The following PHF8 variants were observed in gnomAD, a reference collection of about 807,000 sequenced individuals.
The protein encoded by PHF8 is histone lysine demethylase PHF8.
Under a neutral mutation model 74.4 loss-of-function variants are expected in PHF8, and 9 were observed. The ratio of observed to expected loss-of-function variants is 0.12; its 90% CI spans 0.07 to 0.21. The LOEUF (loss-of-function observed/expected upper bound fraction) is 0.21. Ranked by LOEUF, PHF8 falls within the 10% of genes least tolerant of loss-of-function variation. The pLI, the probability that PHF8 is intolerant of heterozygous loss-of-function variation, is 1.00. For missense variants in PHF8, 478 were observed against 816.6 expected, an observed-to-expected ratio of 0.59 and a Z score of 5.05; for synonymous variants, 311 against 316.6, an observed-to-expected ratio of 0.98 and a Z score of 0.19.
rs1351731529 is a variant in PHF8 at position 53,958,609 on chromosome X, A to G, written c.2539+4235T>C. On this transcript the variant is annotated intron_variant, in intron 19 of 21. Transcript: ENST00000338154. ...ATCCTGGCTAACACGGTGAAACCCC[A>G]TCTCTACTAAAAGTACAAAAAATTA... Among the ~76,000 whole-genome samples, 13 of 104,547 alleles carry G rather than the reference A, an allele frequency of 1.2e-4. No homozygotes were observed. In the Admixed American group the frequency reaches 1.4e-3, roughly 11 times the overall value. The allele number at this position is 104,547 out of a possible 115,157, so 90.8% of individuals were successfully genotyped here.
chrX:53,937,957 G>A lies in PHF8; in HGVS notation c.*1201C>T. 1.8e-6 allele frequency: 2 copies of A among 1,132,150 alleles called. No individual in the cohort carries two copies. Among genetic ancestry groups the A allele is most frequent in the Non-Finnish European group, 2.4e-6 (2 of 842,358 alleles). 93.3% of individuals were successfully genotyped at this position (1,132,150 alleles called of 1,213,427 possible). ...ACGAAGGAAGGACAGGGGAAGGGGA[G>A]GATCGGATGGATGGTCTGCTCCTTC... On this transcript the variant is annotated 3_prime_UTR_variant, in exon 22 of 22. Coordinates refer to ENST00000338154, the MANE Select transcript of PHF8 (RefSeq NM_015107.3).
intron 21 of PHF8, among the ~76,000 whole-genome samples, chrX:53,939,793 T>C: frequency 9.0e-6 from 1 of 110,727 alleles, no homozygotes; most frequent in Non-Finnish European, 1.9e-5. Flanking sequence ...GTTGTCTCTG[T>C]CTCCCCACAT....
intron 20 of PHF8, chrX:53,943,330 G>T: frequency 1.2e-6 from 1 of 854,218 alleles, no homozygotes; most frequent in Non-Finnish European, 1.7e-6. Context: ...TAGAGGATAT[G>T]AGTTTGAGTT....
chrX:54,014,687 T>A (rs2066033801), intron 6 of PHF8, 124 bp from the exon 7 acceptor site: 1 of 517,966 alleles, frequency 1.9e-6, no homozygotes. Context: ...CTCCACAGAA[T>A]CCCCAAAGGC....
At chrX:53,984,603 A>C (rs1005384925) in intron 18 of PHF8, among the ~76,000 whole-genome samples, 2 of 112,060 alleles carry the variant, frequency 1.8e-5, no homozygotes, top group African/African-American at 6.5e-5. Flanking sequence ...AGAAAAAAAG[A>C]GTCACCAGCG....
At chrX:54,038,632 T>C (rs2066501156) in intron 2 of PHF8, among the ~76,000 whole-genome samples, 1 of 112,046 alleles carries the variant, frequency 8.9e-6, no homozygotes, top group Non-Finnish European at 1.9e-5. Flanking sequence ...AATGAAGCAA[T>C]ACCATGTTTT....
chrX:54,005,168 A>G (rs997560441), intron 8 of PHF8, among the ~76,000 whole-genome samples: 3 of 110,754 alleles, frequency 2.7e-5, no homozygotes, highest in African/African-American at 9.8e-5. Context: ...CTAAAAAAGT[A>G]TTTCAAGAAA....
Position 54,022,239 on chromosome X carries a change from C to G in PHF8, c.293+20G>C, listed in dbSNP as rs1320449359. The G allele has an allele frequency of 3.0e-6, 3 of 987,209 alleles. No homozygotes were observed. The African/African-American group carries it at 5.7e-5, about 19-fold the overall frequency. 81.4% of individuals were successfully genotyped at this position (987,209 alleles called of 1,213,427 possible). On this transcript the variant is annotated intron_variant, in intron 4 of 21. Coordinates refer to ENST00000338154, the MANE Select transcript of PHF8 (RefSeq NM_015107.3). ...CCAGAGCCCTGGCATTCACCAGCCA[C>G]TGGAGGCAGGGTTCCTCACCTGTCA...
At chrX:53,957,805 C>G (rs1300634133) in intron 19 of PHF8, among the ~76,000 whole-genome samples, 6 of 111,273 alleles carry the variant, frequency 5.4e-5, no homozygotes, top group Non-Finnish European at 1.1e-4. Context: ...TTTCCTTTTG[C>G]TTTTCTCCTT....
intron 1 of PHF8, chrX:54,043,056 A>G: frequency 3.8e-6 from 1 of 260,372 alleles, no homozygotes; most frequent in South Asian, 1.8e-4. Flanking sequence ...CCCACCCCCC[A>G]CCTTCTTCGG....
intron 19 of PHF8, among the ~76,000 whole-genome samples, chrX:53,956,755 G>A (rs1463367811): frequency 9.2e-6 from 1 of 109,044 alleles, no homozygotes; most frequent in African/African-American, 3.3e-5. Context: ...TGGGCAACTC[G>A]AAAACCTTGA....
At chrX:53,949,448 C>G (rs1025059451) in intron 19 of PHF8, among the ~76,000 whole-genome samples, 1 of 111,450 alleles carries the variant, frequency 9.0e-6, no homozygotes. Flanking sequence ...TTTAAGTAAG[C>G]CAATTACAAA....
At chrX:54,042,374 G>A (rs1308959532) in intron 2 of PHF8, among the ~76,000 whole-genome samples, 9 of 58,539 alleles carry the variant, frequency 1.5e-4, no homozygotes, top group African/African-American at 2.3e-4. Context: ...GAAAGAAAAG[G>A]GGGGGGGGGT....
chrX:53,992,894 G>A lies in PHF8; in HGVS notation c.1627-55C>T, dbSNP rs1027978793. Reference sequence around the variant, plus strand: ...TGTCTGGGACTCCCATGGGAATCACGATGGCAAGTTCCCTCTGGTTTCACT... The same window carrying A: ...TGTCTGGGACTCCCATGGGAATCACAATGGCAAGTTCCCTCTGGTTTCACT... On this transcript the variant is annotated intron_variant, in intron 13 of 21. Transcript: ENST00000338154. The A allele has an allele frequency of 1.4e-5, 11 of 799,937 alleles. No individual in the cohort carries two copies. The East Asian group carries it at 1.9e-4, about 14-fold the overall frequency. The allele number at this position is 799,937 out of a possible 1,213,427, so 65.9% of individuals were successfully genotyped here.
At chrX:53,977,553 A>G (rs1316898298) in intron 18 of PHF8, among the ~76,000 whole-genome samples, 9 of 111,526 alleles carry the variant, frequency 8.1e-5, no homozygotes, top group Non-Finnish European at 1.1e-4. Flanking sequence ...AACTATATTG[A>G]CAAAACCAAG....
In PHF8 at chrX:53,966,366, C is replaced by T. The variant is rs967702375; in HGVS notation, c.2444-3427G>A. Among the ~76,000 whole-genome samples the T allele has an allele frequency of 2.0e-4, 23 of 112,396 alleles. 1 individual carries two copies. The highest frequency in any genetic ancestry group is 2.8e-4 in the East Asian group (1 of 3,552). ...CCTGCCTCAGCCTGCCGAGTGCCTG[C>T]GACTGCAGGCGCGTGCCGCCACGCC... On this transcript the variant is annotated intron_variant, in intron 18 of 21. Coordinates refer to ENST00000338154, the MANE Select transcript of PHF8 (RefSeq NM_015107.3).
chrX:54,014,716 T>A (rs2066034507), intron 6 of PHF8, among the ~76,000 whole-genome samples, 153 bp from the exon 7 acceptor site: 1 of 111,417 alleles, frequency 9.0e-6, no homozygotes, highest in Non-Finnish European at 1.9e-5. Context: ...CACTTATTTC[T>A]GTTCTGTAAG....
chrX:53,967,592 C>G (rs1380974158), intron 18 of PHF8, among the ~76,000 whole-genome samples: 3 of 114,166 alleles, frequency 2.6e-5, no homozygotes, highest in African/African-American at 9.5e-5. Flanking sequence ...CTCTGCCCGG[C>G]CACCACCCCA....
intron 19 of PHF8, among the ~76,000 whole-genome samples, chrX:53,950,377 GT>G (rs1300829967): frequency 9.8e-5 from 11 of 111,833 alleles, no homozygotes; most frequent in Admixed American, 8.6e-4. Context: ...AACCCAAATG[GT>G]TAAAAAAAAG....
Sources: gnomAD v4.1 joint callset for allele counts (sites outside exome capture counted in the v4.1 genomes callset) on GRCh38, gnomAD v4.1.1 for gene constraint, MANE v1.5 for transcripts, NCBI Gene and HGNC (gene_info 2026-07-23, HGNC 2026-07-21) for gene names.